The following DDX23 variants were observed in gnomAD, a reference collection of about 807,000 sequenced individuals.
DDX23 encodes DEAD-box helicase 23.
Under a neutral mutation model 102.7 loss-of-function variants are expected in DDX23, and 33 were observed. The observed-to-expected ratio is 0.32, with a 90% CI of 0.24 to 0.43. The LOEUF (loss-of-function observed/expected upper bound fraction) is 0.43, where lower values mean the gene tolerates loss of function less well. Among genes scored for constraint, DDX23 ranks in the 20% least tolerant of loss-of-function variants. DDX23 has a pLI of 1.00. For synonymous variants in DDX23, 352 were observed against 376.0 expected (o/e 0.94, Z 0.74); for missense variants, 549 against 1,086.6 (o/e 0.51, Z 6.96).
chr12:48,836,281 A>T lies in DDX23; in HGVS notation c.1237-15T>A. On this transcript the variant is annotated splice_polypyrimidine_tract_variant and intron_variant, in intron 10 of 16. Transcript: ENST00000308025. This position sits in a 1 kb window ranked among gnomAD's most constrained non-coding sequence, Gnocchi z 6.1. ...GGTGTTGGTTCCTGCAGTGACCCCA[A>T]GAAAGAGTAATAGGTACAGGGAGAG... The T allele has an allele frequency of 6.2e-7, 1 of 1,613,886 alleles. No homozygotes were observed. The highest frequency in any genetic ancestry group is 2.2e-5 in the East Asian group (1 of 44,878).
At position 48,836,753 on chromosome 12, in the gene DDX23, C is replaced by T. The variant is rs752807404; in HGVS notation, c.1052G>A (p.Arg351His). Reference sequence around the variant, plus strand: ...CTGAGACCAATGACGATCATCCCAGCGCTGCTTGGCTTCCTTCTTACGAAG... The same window carrying T: ...CTGAGACCAATGACGATCATCCCAGTGCTGCTTGGCTTCCTTCTTACGAAG... ...RKLRKKEAKQ[R>H]WDDRHWSQKK... The change falls in exon 10 of 17, where the codon CGC becomes CAC. Residue 351 changes from arginine (R) to histidine (H), a missense_variant. Arg to His is a conservative substitution (Grantham distance 29). Coordinates refer to ENST00000308025, the MANE Select transcript of DDX23 (RefSeq NM_004818.3). This position sits in a 1 kb window ranked among gnomAD's most constrained non-coding sequence, Gnocchi z 6.1. 5 of 1,614,202 alleles carry T rather than the reference C, an allele frequency of 3.1e-6. No individual in the cohort carries two copies. Among genetic ancestry groups the T allele is most frequent in the South Asian group, 2.2e-5 (2 of 91,076 alleles).
intron 3 of DDX23, among the ~76,000 whole-genome samples, chr12:48,841,957 G>A (rs1239699650): frequency 4.8e-5 from 7 of 147,070 alleles, no homozygotes; most frequent in Admixed American, 6.7e-5. Context: ...CTGCCCTGCC[G>A]CCCCGTCTGG....
In DDX23 at chr12:48,845,572, A is replaced by C; in HGVS notation, c.209+2T>G. ...ATGTAATAACATACAAAGTTACTTT[A>C]CCTTTCTGCAGATTTGGAACGGGAA... On this transcript the variant is annotated splice_donor_variant, in intron 2 of 16. Coordinates refer to ENST00000308025, the MANE Select transcript of DDX23 (RefSeq NM_004818.3). LOFTEE classifies it high-confidence loss of function. 6.2e-7 allele frequency: 1 copy of C among 1,614,204 alleles called. No homozygotes were observed. The highest frequency in any genetic ancestry group is 8.5e-7 in the Non-Finnish European group (1 of 1,180,018).
At chr12:48,839,936 A>C in intron 4 of DDX23, 27 bp from the exon 5 acceptor site, 1 of 1,613,646 alleles carries the variant, frequency 6.2e-7, no homozygotes, top group African/African-American at 1.3e-5. Context: ...ACTTTAGTCT[A>C]TAAAGGCTCT....
At position 48,840,079 on chromosome 12, in the gene DDX23, A is replaced by C. The variant is rs1938525719; in HGVS notation, c.348T>G (p.Phe116Leu). ...TAGAGTCTCTGTCCTTCCGAGATTT[A>C]AAGTCTTTTCCTCGACCAGGAGATA... Reference protein sequence around the residue: ...SSLSPGRGKDFKSRKDRDSKK... With the variant: ...SSLSPGRGKDLKSRKDRDSKK... The change falls in exon 4 of 17, where the codon TTT (phenylalanine) becomes TTG (leucine). Residue 116 changes from phenylalanine to leucine, a missense_variant. Physicochemically the swap from Phe to Leu is conservative, Grantham distance 22. This residue lies in a region of DDX23 where 241 missense variants were observed against 267.0 expected (regional missense o/e 0.90). Transcript: ENST00000308025. The C allele has an allele frequency of 6.2e-7, 1 of 1,614,172 alleles. No homozygotes were observed. Among genetic ancestry groups the C allele is most frequent in the African/African-American group, 1.3e-5 (1 of 75,052 alleles).
At chr12:48,848,713 T>C (rs1362359695) in intron 1 of DDX23, among the ~76,000 whole-genome samples, 2 of 151,298 alleles carry the variant, frequency 1.3e-5, no homozygotes, top group South Asian at 2.1e-4. Flanking sequence ...GCCTCCCAAG[T>C]AGCTGGGACT....
chr12:48,837,467 A>G, intron 7 of DDX23, 57 bp downstream of exon 7: 1 of 1,612,970 alleles, frequency 6.2e-7, no homozygotes, highest in Non-Finnish European at 8.5e-7. Flanking sequence ...CAATGGCCAA[A>G]TAACTAAACC....
intron 15 of DDX23, 54 bp from the exon 16 acceptor site, chr12:48,831,370 A>C: frequency 6.4e-7 from 1 of 1,557,200 alleles, no homozygotes; most frequent in Non-Finnish European, 8.8e-7. Context: ...GGAGAGACAC[A>C]GGAGTTCAGA....
rs1353171268 is a variant in DDX23 at position 48,830,339 on chromosome 12, G to C, written c.*130C>G. On this transcript the variant is annotated 3_prime_UTR_variant, in exon 17 of 17. Transcript: ENST00000308025. The surrounding 1 kb of genome is among the most constrained non-coding windows in gnomAD (Gnocchi z 4.9). The stretch of plus-strand genomic sequence containing the variant: ...CCTCCTGACCTGAGGGTCTGGGCTA[G>C]GGAGTTGGATTGTTTTCCTAAGCCC... 8.9e-7 allele frequency: 1 copy of C among 1,117,888 alleles called. No individual in the cohort carries two copies. The highest frequency in any genetic ancestry group is 1.5e-5 in the African/African-American group (1 of 64,606). 69.2% of individuals were successfully genotyped at this position (1,117,888 alleles called of 1,614,324 possible).
intron 3 of DDX23, 111 bp from the exon 4 acceptor site, chr12:48,840,217 GC>G: frequency 1.2e-6 from 1 of 843,810 alleles, no homozygotes; most frequent in Non-Finnish European, 2.0e-6. Flanking sequence ...AACAAGACTG[GC>G]CCATGGTCAT....
At chr12:48,833,235 T>C in intron 13 of DDX23, 42 bp downstream of exon 13, 1 of 1,611,380 alleles carries the variant, frequency 6.2e-7, no homozygotes. Flanking sequence ...TCCACCCGCC[T>C]TGGCCTGTCC....
At chr12:48,843,794 A>G (rs1938614917) in intron 3 of DDX23, 146 bp downstream of exon 3, 1 of 751,224 alleles carries the variant, frequency 1.3e-6, no homozygotes. Flanking sequence ...GTGATCCACC[A>G]GCCTCAGCCT....
At chr12:48,831,918 CTT>C (rs1179502223) in intron 15 of DDX23, 158 bp downstream of exon 15, 2 of 663,538 alleles carry the variant, frequency 3.0e-6, no homozygotes, top group East Asian at 2.7e-5. Flanking sequence ...ATTCCATTCT[CTT>C]TATTCCCTCA....
At chr12:48,841,786 G>A (rs929300187) in intron 3 of DDX23, among the ~76,000 whole-genome samples, 1 of 152,256 alleles carries the variant, frequency 6.6e-6, no homozygotes, top group Non-Finnish European at 1.5e-5. Context: ...AGGCTGGAGT[G>A]CAGTGGCGTG....
chr12:48,832,659 A>C lies in DDX23; in HGVS notation c.1804-86T>G, dbSNP rs1938408463. The C allele has an allele frequency of 4.6e-6, 7 of 1,509,158 alleles. No homozygotes were observed. The highest frequency in any genetic ancestry group is 4.7e-5 in the East Asian group (2 of 42,534). 93.5% of individuals were successfully genotyped at this position (1,509,158 alleles called of 1,614,324 possible). A position where few individuals can be genotyped will look rare whatever the true frequency, so the allele number is the denominator to read the frequency against. Reference sequence around the variant, plus strand: ...ACCGAAGGCAGGTCAGCCCAGACTAAAGAATCTAAAATGGGCCACAGTATA... The same window carrying C: ...ACCGAAGGCAGGTCAGCCCAGACTACAGAATCTAAAATGGGCCACAGTATA... On this transcript the variant is annotated intron_variant, in intron 13 of 16. Transcript: ENST00000308025. This position sits in a 1 kb window ranked among gnomAD's most constrained non-coding sequence, Gnocchi z 4.4.
rs1938471296 is a variant in DDX23, at chr12:48,836,708, G to A, written c.1097C>T (p.Thr366Met). 3.7e-6 allele frequency: 6 copies of A among 1,614,090 alleles called. No homozygotes were observed. The highest frequency in any genetic ancestry group is 1.1e-5 in the South Asian group (1 of 91,092). Residue 366 changes from threonine to methionine, a missense_variant, in exon 10 of 17, where the codon ACG becomes ATG. Physicochemically the swap from Thr to Met is moderately conservative, Grantham distance 81 (BLOSUM62 -1). Transcript: ENST00000308025. The surrounding 1 kb of genome is among the most constrained non-coding windows in gnomAD (Gnocchi z 6.1). The stretch of plus-strand genomic sequence containing the variant: ...ACGGAAGATCCGCCAGTCCCTGTCC[G>A]TCATCTCATCTAACTTTTTCTGAGA... ...HWSQKKLDEM[T>M]DRDWRIFRED...
chr12:48,831,367 C>G (rs568728002), intron 15 of DDX23, 51 bp from the exon 16 acceptor site: 11 of 1,581,476 alleles, frequency 7.0e-6, no homozygotes, highest in South Asian at 3.3e-5. Context: ...CAAGGAGAGA[C>G]ACAGGAGTTC....
In DDX23 at chr12:48,836,025, T is replaced by C; in HGVS notation, c.1382+96A>G. 7.4e-7 allele frequency: 1 copy of C among 1,345,424 alleles called. No individual in the cohort carries two copies. The highest frequency in any genetic ancestry group is 1.0e-6 in the Non-Finnish European group (1 of 963,058). The allele number at this position is 1,345,424 out of a possible 1,614,324, so 83.3% of individuals were successfully genotyped here. A position where few individuals can be genotyped will look rare whatever the true frequency, so the allele number is the denominator to read the frequency against. On this transcript the variant is annotated intron_variant, in intron 11 of 16. Transcript: ENST00000308025. This position sits in a 1 kb window ranked among gnomAD's most constrained non-coding sequence, Gnocchi z 6.1. ...AACAAAGAATAAAGAAGAAAGCTTC[T>C]GATTATAGACGTAAAACAAAAATCA...
Position 48,830,361 on chromosome 12 carries a change from G to T in DDX23, c.*108C>A. The stretch of plus-strand genomic sequence containing the variant: ...CTAGGGAGTTGGATTGTTTTCCTAA[G>T]CCCCCATATCCCAAGAGTGAGGACC... On this transcript the variant is annotated 3_prime_UTR_variant, in exon 17 of 17. Coordinates refer to ENST00000308025, the MANE Select transcript of DDX23 (RefSeq NM_004818.3). The surrounding 1 kb of genome is among the most constrained non-coding windows in gnomAD (Gnocchi z 4.9). The T allele has an allele frequency of 7.6e-7, 1 of 1,308,780 alleles. No homozygotes were observed. Among genetic ancestry groups the T allele is most frequent in the Non-Finnish European group, 1.1e-6 (1 of 920,626 alleles). The allele number at this position is 1,308,780 out of a possible 1,614,324, so 81.1% of individuals were successfully genotyped here.
Sources: gnomAD v4.1 joint callset for allele counts (sites outside exome capture counted in the v4.1 genomes callset) on GRCh38, gnomAD v4.1.1 for gene constraint, gnomAD v4.1.1 regional missense constraint, Gnocchi (gnomAD v3.1) non-coding constraint, MANE v1.5 for transcripts, NCBI Gene and HGNC (gene_info 2026-07-23, HGNC 2026-07-21) for gene names.